The following AGPAT4 variants were observed in gnomAD, a reference collection of about 807,000 sequenced individuals.
AGPAT4 encodes 1-acyl-sn-glycerol-3-phosphate acyltransferase delta.
A neutral mutation model predicts 48.0 loss-of-function variants in AGPAT4; 15 were observed. That is an observed-to-expected ratio of 0.31 (90% CI 0.21 to 0.48). AGPAT4 has a LOEUF of 0.48. Ranked by LOEUF, AGPAT4 falls within the 20% of genes least tolerant of loss-of-function variation. The pLI is 0.99. For missense variants in AGPAT4, 314 were observed against 482.5 expected (o/e 0.65, Z 3.27); for synonymous variants, 178 against 198.7 (o/e 0.90, Z 0.88).
At chr6:161,185,174 T>C (rs1780732449) in intron 2 of AGPAT4, among the ~76,000 whole-genome samples, 3 of 151,436 alleles carry the variant, frequency 2.0e-5, no homozygotes, top group African/African-American at 7.3e-5. Flanking sequence ...AGGGAGATAG[T>C]TTGGAAACAA....
In AGPAT4 at chr6:161,144,201, A is replaced by G. The variant is rs1333087556; in HGVS notation, c.843+2323T>C. On this transcript the variant is annotated intron_variant, in intron 7 of 8. Transcript: ENST00000320285. The surrounding 1 kb of genome is among the most constrained non-coding windows in gnomAD (Gnocchi z 6.6). ...GCTCAGCGATCTTCTCGGAAGGGCA[A>G]AGGGCCAGCCTCCCAGGCCTGCTCA... 1 of 533,080 alleles carries G rather than the reference A, an allele frequency of 1.9e-6. No individual in the cohort carries two copies. Among genetic ancestry groups the G allele is most frequent in the South Asian group, 1.4e-5 (1 of 71,452 alleles). The allele number at this position is 533,080 out of a possible 1,614,324, so 33.0% of individuals were successfully genotyped here.
Position 161,130,748 on chromosome 6 carries a change from G to C in AGPAT4, c.*5792C>G, listed in dbSNP as rs1268823422. 1 of 459,668 alleles carries C rather than the reference G, an allele frequency of 2.2e-6. No individual in the cohort carries two copies. Among genetic ancestry groups the C allele is most frequent in the African/African-American group, 2.0e-5 (1 of 50,780 alleles). 28.5% of individuals were successfully genotyped at this position (459,668 alleles called of 1,614,324 possible). Reference sequence around the variant, plus strand: ...TGCGAGTAAGGAAGCTCCAGTTGTAGCCTTGGCACAGCTGAGGCCATGCCA... The same window carrying C: ...TGCGAGTAAGGAAGCTCCAGTTGTACCCTTGGCACAGCTGAGGCCATGCCA... On this transcript the variant is annotated 3_prime_UTR_variant, in exon 9 of 9. Coordinates refer to ENST00000320285, the MANE Select transcript of AGPAT4 (RefSeq NM_020133.3).
intron 5 of AGPAT4, 149 bp downstream of exon 5, chr6:161,153,197 C>T (rs933469297): frequency 1.7e-6 from 2 of 1,163,064 alleles, no homozygotes; most frequent in African/African-American, 3.1e-5. Context: ...GGTTCCCAGT[C>T]ACAGAGACTG....
chr6:161,269,406 G>A (rs1175887814), intron 1 of AGPAT4, among the ~76,000 whole-genome samples: 1 of 152,214 alleles, frequency 6.6e-6, no homozygotes, highest in African/African-American at 2.4e-5. Flanking sequence ...AGTTTATGCT[G>A]TGTGTGAACA....
Position 161,242,066 on chromosome 6 carries a change from T to G in AGPAT4, c.-89-9764A>C, listed in dbSNP as rs1181965647. ...TTACAGTTAAACATCATAGGGCTTCTGAATCATAACCAGTGCAGCAGCATC... is the reference window on the plus strand; with the variant it reads ...TTACAGTTAAACATCATAGGGCTTCGGAATCATAACCAGTGCAGCAGCATC... On this transcript the variant is annotated intron_variant, in intron 1 of 8. Coordinates refer to ENST00000320285, the MANE Select transcript of AGPAT4 (RefSeq NM_020133.3). The surrounding 1 kb of genome is among the most constrained non-coding windows in gnomAD (Gnocchi z 5.0). Among the ~76,000 whole-genome samples the G allele has an allele frequency of 6.6e-6, 1 of 152,180 alleles. No individual in the cohort carries two copies. Among genetic ancestry groups the G allele is most frequent in the Non-Finnish European group, 1.5e-5 (1 of 68,036 alleles).
intron 2 of AGPAT4, among the ~76,000 whole-genome samples, chr6:161,207,668 TTAG>T (rs1466252691): frequency 6.6e-6 from 1 of 152,000 alleles, no homozygotes. Flanking sequence ...AGTAAATGAA[TTAG>T]TATGTTAGAA....
rs187889109 is a variant in AGPAT4 at position 161,231,266 on chromosome 6, T to A, written c.178+770A>T. Among the ~76,000 whole-genome samples the A allele has an allele frequency of 6.6e-6, 1 of 152,318 alleles. No homozygotes were observed. Among genetic ancestry groups the A allele is most frequent in the Admixed American group, 6.5e-5 (1 of 15,296 alleles). The stretch of plus-strand genomic sequence containing the variant: ...AATCAATATCAATAGCAAAATGCAT[T>A]TCTGGATGTCCCAATACACTCACTC... On this transcript the variant is annotated intron_variant, in intron 2 of 8. Transcript: ENST00000320285. The surrounding 1 kb of genome is among the most constrained non-coding windows in gnomAD (Gnocchi z 5.3).
chr6:161,154,455 C>T lies in AGPAT4; in HGVS notation c.349-145G>A. 1.1e-6 allele frequency: 1 copy of T among 924,512 alleles called. No individual in the cohort carries two copies. Among genetic ancestry groups the T allele is most frequent in the Non-Finnish European group, 1.6e-6 (1 of 629,258 alleles). The allele number at this position is 924,512 out of a possible 1,614,324, so 57.3% of individuals were successfully genotyped here. A position where few individuals can be genotyped will look rare whatever the true frequency, so the allele number is the denominator to read the frequency against. Reference sequence around the variant, plus strand: ...GTCCCAGAACACATGCTGTCGAGGCCATGGACCCTGGTGCCCTCCCCACCT... The same window carrying T: ...GTCCCAGAACACATGCTGTCGAGGCTATGGACCCTGGTGCCCTCCCCACCT... On this transcript the variant is annotated intron_variant, in intron 3 of 8. Coordinates refer to ENST00000320285, the MANE Select transcript of AGPAT4 (RefSeq NM_020133.3). This position sits in a 1 kb window ranked among gnomAD's most constrained non-coding sequence, Gnocchi z 7.8.
chr6:161,173,595 G>T (rs1162836729), intron 2 of AGPAT4, among the ~76,000 whole-genome samples: 1 of 152,150 alleles, frequency 6.6e-6, no homozygotes, highest in African/African-American at 2.4e-5. Context: ...TCTGTAGGTT[G>T]CCTGTTCACT....
rs550985889 is a variant in AGPAT4, at chr6:161,159,030, T to C, written c.349-4720A>G. Among the ~76,000 whole-genome samples the C allele has an allele frequency of 1.3e-5, 2 of 152,350 alleles. No homozygotes were observed. The highest frequency in any genetic ancestry group is 4.8e-5 in the African/African-American group (2 of 41,574). On this transcript the variant is annotated intron_variant, in intron 3 of 8. Coordinates refer to ENST00000320285, the MANE Select transcript of AGPAT4 (RefSeq NM_020133.3). This position sits in a 1 kb window ranked among gnomAD's most constrained non-coding sequence, Gnocchi z 4.1. ...TACTAAATATATAAAATGAGGTATC[T>C]TAAGTGGAACTTCAAAAACAGGTGA...
chr6:161,269,677 G>A (rs913961794), intron 1 of AGPAT4, among the ~76,000 whole-genome samples: 2 of 152,152 alleles, frequency 1.3e-5, no homozygotes. Flanking sequence ...CCATGGTTTA[G>A]AGGCTGTCTC....
rs1316160101 is a variant in AGPAT4, at chr6:161,270,629, T to A, written c.-90+3309A>T. Among the ~76,000 whole-genome samples the A allele has an allele frequency of 6.6e-6, 1 of 151,740 alleles. No individual in the cohort carries two copies. Among genetic ancestry groups the A allele is most frequent in the Non-Finnish European group, 1.5e-5 (1 of 67,940 alleles). ...ACTAAAAATACAAAAAAATAAAAAA[T>A]AAATTAGCTGGGCGTGGTGCCACAT... On this transcript the variant is annotated intron_variant, in intron 1 of 8. Transcript: ENST00000320285. The surrounding 1 kb of genome is among the most constrained non-coding windows in gnomAD (Gnocchi z 5.3).
In AGPAT4 at chr6:161,222,176, A is replaced by C. The variant is rs565343079; in HGVS notation, c.178+9860T>G. On this transcript the variant is annotated intron_variant, in intron 2 of 8. Transcript: ENST00000320285. The surrounding 1 kb of genome is among the most constrained non-coding windows in gnomAD (Gnocchi z 5.9). ...CCTGGAAGATGCAGTCAATCCATCC[A>C]TCAATCAATAAAAGGTGCTGATGAA... 6.6e-6 allele frequency among the ~76,000 whole-genome samples: 1 copy of C among 152,198 alleles called. No individual in the cohort carries two copies. The highest frequency in any genetic ancestry group is 6.5e-5 in the Admixed American group (1 of 15,278).
At chr6:161,211,131 C>T (rs1483637365) in intron 2 of AGPAT4, among the ~76,000 whole-genome samples, 1 of 152,126 alleles carries the variant, frequency 6.6e-6, no homozygotes, top group Non-Finnish European at 1.5e-5. Flanking sequence ...GGTACCATAA[C>T]TTTAAATGGT....
Position 161,266,840 on chromosome 6 carries a change from C to A in AGPAT4, c.-90+7098G>T, listed in dbSNP as rs1783278320. On this transcript the variant is annotated intron_variant, in intron 1 of 8. Transcript: ENST00000320285. This position sits in a 1 kb window ranked among gnomAD's most constrained non-coding sequence, Gnocchi z 6.2. ...TTCATCCGCCTCGGTTAACCTCTAC[C>A]CACAGAAGACTGACAGCTCACGAGG... Among the ~76,000 whole-genome samples, 1 of 152,216 alleles carries A rather than the reference C, an allele frequency of 6.6e-6. No individual in the cohort carries two copies. The highest frequency in any genetic ancestry group is 2.4e-5 in the African/African-American group (1 of 41,456).
Position 161,142,545 on chromosome 6 carries a change from C to T in AGPAT4, c.844-2925G>A, listed in dbSNP as rs1029660940. Among the ~76,000 whole-genome samples, 6 of 152,130 alleles carry T rather than the reference C, an allele frequency of 3.9e-5. No homozygotes were observed. Among genetic ancestry groups the T allele is most frequent in the Non-Finnish European group, 7.3e-5 (5 of 68,030 alleles). On this transcript the variant is annotated intron_variant, in intron 7 of 8. Transcript: ENST00000320285. This position sits in a 1 kb window ranked among gnomAD's most constrained non-coding sequence, Gnocchi z 6.4. ...GAGAGGCGGCAGATCCCCGGACGAA[C>T]GCCCCCTGCAGCCCGCAACAAAGGC... is the stretch of plus-strand genomic sequence containing the variant.
At chr6:161,167,569 G>A (rs988204547) in intron 2 of AGPAT4, among the ~76,000 whole-genome samples, 1 of 152,146 alleles carries the variant, frequency 6.6e-6, no homozygotes, top group African/African-American at 2.4e-5. Flanking sequence ...CATGCATGCA[G>A]CAGAGGACTC....
chr6:161,190,008 T>A (rs1171966176), intron 2 of AGPAT4, among the ~76,000 whole-genome samples: 2 of 152,174 alleles, frequency 1.3e-5, no homozygotes, highest in African/African-American at 4.8e-5. Flanking sequence ...TTACGGTCAA[T>A]GACTAGAGTC....
At chr6:161,185,197 G>A (rs546332044) in intron 2 of AGPAT4, among the ~76,000 whole-genome samples, 7 of 147,472 alleles carry the variant, frequency 4.7e-5, no homozygotes, top group South Asian at 2.1e-4. Flanking sequence ...AGAGAAATCT[G>A]AATATAGGTG....
Sources: allele counts gnomAD v4.1 joint callset (sites outside exome capture counted in the v4.1 genomes callset), GRCh38; gene constraint gnomAD v4.1.1; non-coding constraint Gnocchi (gnomAD v3.1); transcripts MANE v1.5; gene names NCBI Gene and HGNC (gene_info 2026-07-23, HGNC 2026-07-21).